CLVS1: variants seen among roughly 807,000 people sequenced by gnomAD.
CLVS1 encodes the protein clavesin-1.
A neutral mutation model predicts 33.1 loss-of-function variants in CLVS1; 10 were observed. That is an observed-to-expected ratio of 0.30 (90% CI 0.19 to 0.51). The LOEUF is 0.51. Ranked by LOEUF, CLVS1 falls within the 20% of genes least tolerant of loss-of-function variation. CLVS1 has a pLI of 0.97. For missense variants in CLVS1, 343 were observed against 433.4 expected (o/e 0.79, Z 1.85); for synonymous variants, 163 against 166.1 (o/e 0.98, Z 0.14).
At chr8:61,122,408 C>T (rs1377295370) in intron 1 of CLVS1, among the ~76,000 whole-genome samples, 1 of 152,090 alleles carries the variant, frequency 6.6e-6, no homozygotes, top group South Asian at 2.1e-4. Context: ...TCCAGGTACT[C>T]GGGCCAGGGA....
intron 2 of CLVS1, among the ~76,000 whole-genome samples, chr8:61,182,280 T>A (rs983000179): frequency 1.3e-5 from 2 of 152,076 alleles, no homozygotes; most frequent in African/African-American, 4.8e-5. Flanking sequence ...GGCAAAGATT[T>A]CATGATGAAA....
the CLVS1 span, among the ~76,000 whole-genome samples, chr8:61,010,361 G>A: frequency 3.5e-4 from 53 of 152,296 alleles, 1 homozygote; most frequent in Admixed American, 6.5e-4. Context: ...CAGGACAACC[G>A]GATGCATTAG....
At position 61,109,244 on chromosome 8, in the gene CLVS1, ATTACTC is replaced by A. The variant is rs1380221756; in HGVS notation, c.-242-22522_-242-22517del. ...TTTTCATTTGCAATGTAAGGAAAAT[ATTACTC>A]TTAAACAGTTGTTCCAAAGTCTAAA... On this transcript the variant is annotated intron_variant, in intron 1 of 2. Coordinates refer to the CLVS1 transcript ENST00000522621. 2.0e-5 allele frequency among the ~76,000 whole-genome samples: 3 copies of A among 151,974 alleles called. No individual in the cohort carries two copies. The South Asian group carries it at 6.2e-4, about 32-fold the overall frequency.
the CLVS1 span, among the ~76,000 whole-genome samples, chr8:61,037,987 G>C: frequency 6.6e-6 from 1 of 152,070 alleles, no homozygotes; most frequent in Non-Finnish European, 1.5e-5. Flanking sequence ...AAGAAACCAG[G>C]GCAGTGCAGA....
At chr8:61,404,813 G>A (rs1814920249) in intron 3 of CLVS1, among the ~76,000 whole-genome samples, 1 of 152,182 alleles carries the variant, frequency 6.6e-6, no homozygotes, top group African/African-American at 2.4e-5. Context: ...CATCCCTTCA[G>A]AGACCTGTCA....
chr8:61,299,753 T>C lies in CLVS1; in HGVS notation c.-75T>C. Reference sequence around the variant, plus strand: ...GGCCTGAATGTGAAAGAAGACCCTCTATTTGTCTGTTCCGGGGCAGCCTGG... The same window carrying C: ...GGCCTGAATGTGAAAGAAGACCCTCCATTTGTCTGTTCCGGGGCAGCCTGG... On this transcript the variant is annotated 5_prime_UTR_variant, in exon 2 of 6. Coordinates refer to ENST00000325897, the MANE Select transcript of CLVS1 (RefSeq NM_173519.3). The C allele has an allele frequency of 9.1e-7, 1 of 1,101,102 alleles. No homozygotes were observed. Among genetic ancestry groups the C allele is most frequent in the Non-Finnish European group, 1.3e-6 (1 of 757,566 alleles). 68.2% of individuals were successfully genotyped at this position (1,101,102 alleles called of 1,614,324 possible). A position where few individuals can be genotyped will look rare whatever the true frequency, so the allele number is the denominator to read the frequency against.
At chr8:61,051,413 C>T in the CLVS1 span, among the ~76,000 whole-genome samples, 889 of 152,300 alleles carry the variant, frequency 5.8e-3, 11 homozygotes, top group African/African-American at 0.02. Context: ...AAAATGGGGT[C>T]CCCTCTAAGC....
chr8:61,147,134 A>C (rs543925993), intron 2 of CLVS1, among the ~76,000 whole-genome samples: 1 of 152,198 alleles, frequency 6.6e-6, no homozygotes, highest in Admixed American at 6.5e-5. Context: ...GAGCAGGTGA[A>C]CAGACTGGGC....
intron 2 of CLVS1, among the ~76,000 whole-genome samples, chr8:61,369,701 A>G (rs767597134): frequency 4.6e-5 from 7 of 152,214 alleles, no homozygotes; most frequent in Non-Finnish European, 8.8e-5. Flanking sequence ...TGTAAGAAAC[A>G]GGAAATTGTC....
chr8:61,361,126 C>T (rs1812958584), intron 2 of CLVS1, among the ~76,000 whole-genome samples: 1 of 152,098 alleles, frequency 6.6e-6, no homozygotes, highest in African/African-American at 2.4e-5. Context: ...TCTTTATCAC[C>T]AGGACACCAC....
intron 3 of CLVS1, among the ~76,000 whole-genome samples, chr8:61,427,446 T>C (rs1452993874): frequency 6.6e-6 from 1 of 152,156 alleles, no homozygotes; most frequent in Non-Finnish European, 1.5e-5. Flanking sequence ...CTCTCCCCTT[T>C]AGAAAGTGAG....
rs10653874 is a variant in CLVS1, at chr8:61,150,101, G to GGTGTGTGTGTGTGTGTGTGT, written c.-152+18249_-152+18268dup. ...TGTTTCAGTTTTCTCATTTGAGAAA[G>GGTGTGTGTGTGTGTGTGTGT]GTGTGTGTGTGTGTGTGTGTGTGTG... is the stretch of plus-strand genomic sequence containing the variant. On this transcript the variant is annotated intron_variant, in intron 2 of 2. Transcript: ENST00000522621. Among the ~76,000 whole-genome samples the GGTGTGTGTGTGTGTGTGTGT allele has an allele frequency of 6.2e-3, 904 of 146,538 alleles. 6 individuals carry two copies. Among genetic ancestry groups the GGTGTGTGTGTGTGTGTGTGT allele is most frequent in the African/African-American group, 0.012 (475 of 39,282 alleles).
At chr8:60,988,297 C>A in the CLVS1 span, among the ~76,000 whole-genome samples, 9 of 152,160 alleles carry the variant, frequency 5.9e-5, no homozygotes, top group Non-Finnish European at 1.3e-4. Context: ...CAGATGACCT[C>A]TCCTCAATGC....
At chr8:61,494,538 T>A (rs1391706279) in intron 5 of CLVS1, among the ~76,000 whole-genome samples, 2 of 152,162 alleles carry the variant, frequency 1.3e-5, no homozygotes, top group African/African-American at 2.4e-5. Context: ...AGCCACCGAA[T>A]GAAGAGATTA....
chr8:61,484,728 A>T (rs529792974), intron 5 of CLVS1, among the ~76,000 whole-genome samples: 2 of 152,150 alleles, frequency 1.3e-5, no homozygotes, highest in Non-Finnish European at 2.9e-5. Context: ...ACAGCATGGT[A>T]CTGGTACCAA....
the CLVS1 span, among the ~76,000 whole-genome samples, chr8:61,024,550 CAG>C: frequency 9.8e-5 from 15 of 152,330 alleles, no homozygotes; most frequent in Middle Eastern, 3.4e-3. Flanking sequence ...AGCTTCTAAA[CAG>C]AGTGCTCAGC....
At chr8:61,311,455 G>A (rs1355866219) in intron 2 of CLVS1, among the ~76,000 whole-genome samples, 2 of 152,104 alleles carry the variant, frequency 1.3e-5, no homozygotes, top group Admixed American at 6.5e-5. Flanking sequence ...AAACTTGTCT[G>A]TTAGAAGCCA....
chr8:61,176,950 G>T (rs899727876), intron 2 of CLVS1, among the ~76,000 whole-genome samples: 5 of 152,196 alleles, frequency 3.3e-5, no homozygotes, highest in Admixed American at 2.6e-4. Context: ...GTTCCCAGGG[G>T]GAGTGGTGGC....
intron 1 of CLVS1, among the ~76,000 whole-genome samples, chr8:61,125,698 T>C (rs910477450): frequency 6.6e-6 from 1 of 152,192 alleles, no homozygotes; most frequent in East Asian, 1.9e-4. Flanking sequence ...ACTCCACTGT[T>C]TTATTTCAGG....
Sources: allele counts gnomAD v4.1 joint callset (sites outside exome capture counted in the v4.1 genomes callset), GRCh38; gene constraint gnomAD v4.1.1; transcripts MANE v1.5; gene names NCBI Gene and HGNC (gene_info 2026-07-23, HGNC 2026-07-21).